Variants in WWP2 observed in about 807,000 individuals in gnomAD.
The protein encoded by WWP2 is WW domain containing E3 ubiquitin protein ligase 2.
Under a neutral mutation model 121.0 loss-of-function variants are expected in WWP2, and 57 were observed. The ratio of observed to expected loss-of-function variants is 0.47; its 90% CI spans 0.38 to 0.59. The LOEUF (loss-of-function observed/expected upper bound fraction) is 0.59. Ranked by LOEUF, WWP2 falls within the 20% of genes least tolerant of loss-of-function variation. WWP2 has a pLI of 0.00. For synonymous variants in WWP2, 449 were observed against 441.3 expected (o/e 1.02, Z -0.22); for missense variants, 962 against 1,158.9 (o/e 0.83, Z 2.47).
intron 6 of WWP2, among the ~76,000 whole-genome samples, chr16:69,846,677 C>T (rs1174686799): frequency 2.0e-5 from 3 of 150,606 alleles, no homozygotes; most frequent in South Asian, 2.1e-4. Context: ...GCCGAGATTG[C>T]GCCACTGCAC....
chr16:69,783,780 TACA>T (rs55923742), intron 1 of WWP2, among the ~76,000 whole-genome samples: 18 of 149,808 alleles, frequency 1.2e-4, no homozygotes, highest in South Asian at 1.1e-3. Flanking sequence ...ACCTTGTTTC[TACA>T]ACAACAACAA....
In WWP2 at chr16:69,935,113, C is replaced by T. The variant is rs1208699999; in HGVS notation, c.1843-740C>T. On this transcript the variant is annotated intron_variant, in intron 17 of 23. Transcript: ENST00000359154. This position sits in a 1 kb window ranked among gnomAD's most constrained non-coding sequence, Gnocchi z 5.2. ...AGAACCCGGATTGAGAAGCGGAGCC[C>T]GTGGGAGGCACAGCGCGGGAGCCAC... Among the ~76,000 whole-genome samples, 4 of 152,158 alleles carry T rather than the reference C, an allele frequency of 2.6e-5. No individual in the cohort carries two copies. Among genetic ancestry groups the T allele is most frequent in the Non-Finnish European group, 2.9e-5 (2 of 68,034 alleles).
chr16:69,815,443 C>T (rs1359348356), intron 4 of WWP2, among the ~76,000 whole-genome samples: 5 of 150,238 alleles, frequency 3.3e-5, no homozygotes, highest in Non-Finnish European at 2.9e-5. Context: ...GATCATGGCA[C>T]TGTATTCTAG....
Position 69,799,207 on chromosome 16 carries a change from G to A in WWP2, c.252G>A (p.Lys84=). The A allele has an allele frequency of 1.2e-6, 2 of 1,614,040 alleles. No homozygotes were observed. The highest frequency in any genetic ancestry group is 1.1e-5 in the South Asian group (1 of 91,078). Residue 84 remains lysine (K), a synonymous_variant, in exon 4 of 24, where the codon AAG becomes AAA. Transcript: ENST00000359154. The surrounding 1 kb of genome is among the most constrained non-coding windows in gnomAD (Gnocchi z 4.5). ...CGGCACAGAGTCATTTAGATTTAAA[G>A]GTCTGGAGCTGCCATACCTTGAGAA... is the stretch of plus-strand genomic sequence containing the variant. The part of the protein sequence containing the change: ...NVTAQSHLDL[K]VWSCHTLRNE...
intron 6 of WWP2, among the ~76,000 whole-genome samples, chr16:69,850,907 A>C (rs908280902): frequency 4.6e-5 from 7 of 151,972 alleles, no homozygotes; most frequent in Non-Finnish European, 8.8e-5. Flanking sequence ...CCCCACTATC[A>C]ACATCCCCCA....
intron 6 of WWP2, among the ~76,000 whole-genome samples, chr16:69,867,833 C>T (rs1292266823): frequency 6.6e-6 from 1 of 152,170 alleles, no homozygotes; most frequent in Non-Finnish European, 1.5e-5. Context: ...TATAACTCGT[C>T]CCCTCCCCCT....
intron 1 of WWP2, among the ~76,000 whole-genome samples, chr16:69,767,036 GTTT>G (rs552760216): frequency 7.3e-6 from 1 of 137,880 alleles, no homozygotes; most frequent in African/African-American, 2.6e-5. Flanking sequence ...TAGGGGTTTT[GTTT>G]TTTTTTTTTT....
chr16:69,843,042 T>C (rs1188334514), intron 6 of WWP2, among the ~76,000 whole-genome samples: 2 of 152,094 alleles, frequency 1.3e-5, no homozygotes, highest in Non-Finnish European at 2.9e-5. Flanking sequence ...TTGATGAAGA[T>C]TGGGACTGGC....
chr16:69,886,965 C>T (rs1250145892), intron 7 of WWP2, among the ~76,000 whole-genome samples: 3 of 152,224 alleles, frequency 2.0e-5, no homozygotes, highest in African/African-American at 7.2e-5. Context: ...TATACATGTA[C>T]ACATATGCAA....
At chr16:69,781,393 T>G (rs2055661113) in intron 1 of WWP2, among the ~76,000 whole-genome samples, 1 of 152,216 alleles carries the variant, frequency 6.6e-6, no homozygotes, top group Non-Finnish European at 1.5e-5. Context: ...TCACCCAGGC[T>G]GGAGTGCGGT....
At chr16:69,885,586 G>A (rs927037217) in intron 7 of WWP2, among the ~76,000 whole-genome samples, 26 of 152,146 alleles carry the variant, frequency 1.7e-4, no homozygotes, top group African/African-American at 6.3e-4. Context: ...ATTTTTACAT[G>A]GTTGCTAAGA....
Position 69,799,139 on chromosome 16 carries a change from G to T in WWP2, c.219-35G>T. ...TTCTTCTAAGTTATAGGAATGATCT[G>T]CTTGGATGTAATGAATCAGGTATTT... On this transcript the variant is annotated intron_variant, in intron 3 of 23. Coordinates refer to ENST00000359154, the MANE Select transcript of WWP2 (RefSeq NM_001270454.2). The surrounding 1 kb of genome is among the most constrained non-coding windows in gnomAD (Gnocchi z 4.5). The T allele has an allele frequency of 6.3e-7, 1 of 1,598,488 alleles. No individual in the cohort carries two copies. The highest frequency in any genetic ancestry group is 8.5e-7 in the Non-Finnish European group (1 of 1,173,068).
At chr16:69,861,540 G>A (rs1473452581) in intron 6 of WWP2, among the ~76,000 whole-genome samples, 2 of 152,116 alleles carry the variant, frequency 1.3e-5, no homozygotes, top group Non-Finnish European at 2.9e-5. Flanking sequence ...TCCAGAGGTA[G>A]GGTGTGGAAT....
chr16:69,837,251 T>G (rs945151760), intron 4 of WWP2, among the ~76,000 whole-genome samples: 1 of 152,040 alleles, frequency 6.6e-6, no homozygotes, highest in Non-Finnish European at 1.5e-5. Flanking sequence ...TTTTTTTTAG[T>G]GACAGAGTCT....
At chr16:69,929,161 CTGGG>C (rs1431361394) in intron 11 of WWP2, among the ~76,000 whole-genome samples, 1 of 152,150 alleles carries the variant, frequency 6.6e-6, no homozygotes, top group Non-Finnish European at 1.5e-5. Context: ...GCTGCTCCCT[CTGGG>C]TGGCCACACC....
chr16:69,776,852 T>A (rs11075736), intron 1 of WWP2, among the ~76,000 whole-genome samples: 7 of 151,750 alleles, frequency 4.6e-5, no homozygotes, highest in African/African-American at 1.4e-4. Flanking sequence ...TAAAAAAAAT[T>A]ATAATAAACT....
chr16:69,930,380 C>G, intron 13 of WWP2, 122 bp downstream of exon 13: 2 of 1,445,764 alleles, frequency 1.4e-6, no homozygotes, highest in Non-Finnish European at 1.9e-6. Context: ...TTACTGCCCT[C>G]TAGTGGCCAA....
intron 4 of WWP2, among the ~76,000 whole-genome samples, chr16:69,806,964 T>C (rs992753511): frequency 2.0e-5 from 3 of 151,426 alleles, no homozygotes; most frequent in African/African-American, 4.9e-5. Context: ...ATTCATTCAT[T>C]CATTCATTCA....
intron 2 of WWP2, among the ~76,000 whole-genome samples, chr16:69,789,054 A>G (rs1430731732): frequency 6.6e-6 from 1 of 152,016 alleles, no homozygotes; most frequent in East Asian, 1.9e-4. Flanking sequence ...CTTAGTTTTT[A>G]ATTTTATTAT....
Sources: gnomAD v4.1 joint callset for allele counts (sites outside exome capture counted in the v4.1 genomes callset) on GRCh38, gnomAD v4.1.1 for gene constraint, Gnocchi (gnomAD v3.1) non-coding constraint, MANE v1.5 for transcripts, NCBI Gene and HGNC (gene_info 2026-07-23, HGNC 2026-07-21) for gene names.